Variants in DGKI observed in about 807,000 individuals in gnomAD.
The protein encoded by DGKI is diacylglycerol kinase iota.
A neutral mutation model predicts 147.5 loss-of-function variants in DGKI; 55 were observed. The ratio of observed to expected loss-of-function variants is 0.37; its 90% CI spans 0.30 to 0.47. The LOEUF (loss-of-function observed/expected upper bound fraction) is 0.47. Ranked by LOEUF, DGKI falls within the 20% of genes least tolerant of loss-of-function variation. The pLI is 1.00. For missense variants in DGKI, 1,007 were observed against 1,323.8 expected (o/e 0.76, Z 3.71); for synonymous variants, 469 against 477.1 (o/e 0.98, Z 0.22).
At chr7:137,395,813 CTT>C (rs1406747460) in intron 31 of DGKI, 116 bp from the exon 32 acceptor site, 1 of 868,750 alleles carries the variant, frequency 1.2e-6, no homozygotes, top group Non-Finnish European at 1.8e-6. Context: ...GCTGCTGAGA[CTT>C]TGGCTGTAGG....
At position 137,388,016 on chromosome 7, in the gene DGKI, G is replaced by A. The variant is rs866814596; in HGVS notation, c.*3204C>T. ...CATTCTGAAAGGATAAGGAGCAACAGGTATGTACGGCTCTCCATCAGTCAT... is the reference window on the plus strand; with the variant it reads ...CATTCTGAAAGGATAAGGAGCAACAAGTATGTACGGCTCTCCATCAGTCAT... On this transcript the variant is annotated 3_prime_UTR_variant, in exon 33 of 33. Transcript: ENST00000614521. 82 of 152,172 alleles carry A rather than the reference G, an allele frequency of 5.4e-4. No individual in the cohort carries two copies. The highest frequency in any genetic ancestry group is 2.0e-3 in the African/African-American group (81 of 41,442). The allele number at this position is 152,172 out of a possible 1,614,324, so 9.4% of individuals were successfully genotyped here. A position where few individuals can be genotyped will look rare whatever the true frequency, so the allele number is the denominator to read the frequency against.
intron 18 of DGKI, among the ~76,000 whole-genome samples, chr7:137,571,915 A>T (rs1247260834): frequency 6.6e-6 from 1 of 152,194 alleles, no homozygotes; most frequent in Non-Finnish European, 1.5e-5. Context: ...AAGAATAATA[A>T]AGCAAAGTAA....
At chr7:137,769,309 A>G (rs1217504383) in intron 1 of DGKI, among the ~76,000 whole-genome samples, 1 of 152,228 alleles carries the variant, frequency 6.6e-6, no homozygotes, top group Non-Finnish European at 1.5e-5. Context: ...GAAAATTTGG[A>G]ACTAAAGTGA....
At chr7:137,676,079 A>G (rs939018931) in intron 3 of DGKI, among the ~76,000 whole-genome samples, 6 of 152,118 alleles carry the variant, frequency 3.9e-5, no homozygotes, top group African/African-American at 1.4e-4. Context: ...CAGAGATGAC[A>G]TGCGCCTCAC....
At chr7:137,493,770 A>G in intron 21 of DGKI, 1 of 702,080 alleles carries the variant, frequency 1.4e-6, no homozygotes, top group South Asian at 1.5e-5. Context: ...AAAAAGCCAG[A>G]GAGTCTTCTT....
chr7:137,711,354 T>C (rs1326964555), intron 1 of DGKI, among the ~76,000 whole-genome samples: 1 of 152,140 alleles, frequency 6.6e-6, no homozygotes, highest in African/African-American at 2.4e-5. Context: ...AAATGTCAGA[T>C]GAAAGCAGAA....
intron 1 of DGKI, among the ~76,000 whole-genome samples, chr7:137,836,639 C>T (rs1798389797): frequency 6.6e-6 from 1 of 152,114 alleles, no homozygotes; most frequent in South Asian, 2.1e-4. Flanking sequence ...AGGAGCAGTA[C>T]CAGTCTATAA....
At chr7:137,518,775 A>T (rs962863436) in intron 21 of DGKI, among the ~76,000 whole-genome samples, 1 of 152,038 alleles carries the variant, frequency 6.6e-6, no homozygotes, top group East Asian at 1.9e-4. Context: ...AAAATATATC[A>T]TGTGTCAGTG....
intron 29 of DGKI, among the ~76,000 whole-genome samples, chr7:137,408,455 C>CAGT: frequency 6.6e-6 from 1 of 152,266 alleles, no homozygotes; most frequent in East Asian, 1.9e-4. Context: ...GTCTTATGAA[C>CAGT]CTATATACCA....
chr7:137,415,465 G>C (rs993556067), intron 28 of DGKI, among the ~76,000 whole-genome samples: 2 of 152,144 alleles, frequency 1.3e-5, no homozygotes, highest in African/African-American at 4.8e-5. Context: ...GTAGATTTTG[G>C]TATCTGCAAG....
chr7:137,758,751 A>G (rs1454687012), intron 1 of DGKI, among the ~76,000 whole-genome samples: 1 of 152,010 alleles, frequency 6.6e-6, no homozygotes, highest in Non-Finnish European at 1.5e-5. Flanking sequence ...CAGACTAAGG[A>G]AGAGTGTGAT....
At chr7:137,473,028 C>A (rs1815040863) in intron 23 of DGKI, among the ~76,000 whole-genome samples, 1 of 152,104 alleles carries the variant, frequency 6.6e-6, no homozygotes, top group South Asian at 2.1e-4. Flanking sequence ...GTTATTTAGT[C>A]TAGGTTAGTA....
rs116669062 is a variant in DGKI at position 137,542,740 on chromosome 7, G to A, written c.2147+9629C>T. 3.1e-3 allele frequency among the ~76,000 whole-genome samples: 465 copies of A among 152,150 alleles called. 6 individuals carry two copies. Among genetic ancestry groups the A allele is most frequent in the African/African-American group, 0.01 (424 of 41,512 alleles). ...ATGGAACTGTACACCAGAAAAGTCCGTTTTACAGTATGTTAACTTTAAATA... is the reference window on the plus strand; with the variant it reads ...ATGGAACTGTACACCAGAAAAGTCCATTTTACAGTATGTTAACTTTAAATA... On this transcript the variant is annotated intron_variant, in intron 20 of 32. Transcript: ENST00000614521.
At chr7:137,431,172 C>T (rs144543458) in intron 28 of DGKI, among the ~76,000 whole-genome samples, 409 of 151,964 alleles carry the variant, frequency 2.7e-3, no homozygotes, top group Non-Finnish European at 4.5e-3. Flanking sequence ...GAGAGGCACA[C>T]AGTCAGAGAA....
At chr7:137,702,218 T>C (rs563375762) in intron 1 of DGKI, among the ~76,000 whole-genome samples, 42 of 152,198 alleles carry the variant, frequency 2.8e-4, no homozygotes, top group African/African-American at 9.2e-4. Context: ...TTTAAAAAAC[T>C]GAATGACCTT....
At chr7:137,715,045 C>G (rs1794335804) in intron 1 of DGKI, among the ~76,000 whole-genome samples, 1 of 152,204 alleles carries the variant, frequency 6.6e-6, no homozygotes, top group Admixed American at 6.5e-5. Context: ...AAGGACTACA[C>G]TGAATCTTCT....
intron 2 of DGKI, 152 bp from the exon 3 acceptor site, chr7:137,678,804 T>C (rs1823129211): frequency 1.5e-6 from 1 of 681,350 alleles, no homozygotes; most frequent in Non-Finnish European, 2.5e-6. Flanking sequence ...TAGAGTTGAT[T>C]CTCCCGAAAT....
At chr7:137,717,217 T>G (rs1485998069) in intron 1 of DGKI, among the ~76,000 whole-genome samples, 4 of 152,200 alleles carry the variant, frequency 2.6e-5, no homozygotes, top group African/African-American at 9.7e-5. Flanking sequence ...CTTTCTTCAG[T>G]GTACTGGTTC....
chr7:137,413,572 A>T (rs1812246440), intron 28 of DGKI, among the ~76,000 whole-genome samples: 1 of 152,158 alleles, frequency 6.6e-6, no homozygotes. Context: ...ACTTAGGATA[A>T]TGGTCTTCAG....
Sources: gnomAD v4.1 joint callset for allele counts (sites outside exome capture counted in the v4.1 genomes callset) on GRCh38, gnomAD v4.1.1 for gene constraint, MANE v1.5 for transcripts, NCBI Gene and HGNC (gene_info 2026-07-23, HGNC 2026-07-21) for gene names.